SLC37A1: variants seen among roughly 807,000 people sequenced by gnomAD.
The protein encoded by SLC37A1 is solute carrier family 37 member 1, also known as glucose-6-phosphate exchanger SLC37A1.
SLC37A1 carries 49 observed loss-of-function variants against 75.3 expected under a neutral mutation model. That is an observed-to-expected ratio of 0.65 (90% CI 0.52 to 0.83). The LOEUF (loss-of-function observed/expected upper bound fraction) is 0.83. SLC37A1 is among the 40% of genes least tolerant of loss of function. The pLI is 0.00. For synonymous variants in SLC37A1, 268 were observed against 292.1 expected, an observed-to-expected ratio of 0.92 and a Z score of 0.84; for missense variants, 566 against 695.0, an observed-to-expected ratio of 0.81 and a Z score of 2.09.
chr21:42,538,107 G>A (rs2055186799), intron 5 of SLC37A1, among the ~76,000 whole-genome samples: 1 of 152,210 alleles, frequency 6.6e-6, no homozygotes, highest in Non-Finnish European at 1.5e-5. Flanking sequence ...CAAGATTAGA[G>A]AATACTTCTA....
intron 10 of SLC37A1, among the ~76,000 whole-genome samples, chr21:42,557,314 G>A (rs150212052): frequency 1.1e-3 from 163 of 152,374 alleles, no homozygotes; most frequent in African/African-American, 3.6e-3. Flanking sequence ...GGGGGAATTC[G>A]AGGCTTCTCA....
At position 42,581,254 on chromosome 21, in the gene SLC37A1, C is replaced by G. The variant is rs534137832; in HGVS notation, c.*894C>G. On this transcript the variant is annotated 3_prime_UTR_variant, in exon 20 of 20. Transcript: ENST00000352133. ...TGGGACTGTTTTTAATACATAGCAA[C>G]AGACTGGGTTATTTATTTAAGATGT... The G allele has an allele frequency of 2.0e-5, 3 of 152,668 alleles. No homozygotes were observed. Among genetic ancestry groups the G allele is most frequent in the African/African-American group, 7.2e-5 (3 of 41,482 alleles). The allele number at this position is 152,668 out of a possible 1,614,324, so 9.5% of individuals were successfully genotyped here.
At chr21:42,578,088 T>C (rs2056344601) in intron 18 of SLC37A1, among the ~76,000 whole-genome samples, 2 of 152,254 alleles carry the variant, frequency 1.3e-5, no homozygotes, top group Admixed American at 6.5e-5. Flanking sequence ...TTCACCAAAA[T>C]AGACAAGTGT....
chr21:42,567,127 C>T lies in SLC37A1; in HGVS notation c.1344+69C>T, dbSNP rs118065070. The T allele has an allele frequency of 6.9e-3, 10,636 of 1,535,804 alleles. 66 individuals carry two copies. Among genetic ancestry groups the T allele is most frequent in the Non-Finnish European group, 8.5e-3 (9,542 of 1,125,320 alleles). On this transcript the variant is annotated intron_variant, in intron 16 of 19. Coordinates refer to ENST00000352133, the MANE Select transcript of SLC37A1 (RefSeq NM_001320537.2). The stretch of plus-strand genomic sequence containing the variant: ...CATGTGCCATTCATGACAAAAGTGG[C>T]CTCCATTACTGTTAGTAAAACTGCA...
chr21:42,554,207 G>A (rs75870471), intron 10 of SLC37A1, 65 bp downstream of exon 10: 136,985 of 1,434,534 alleles, frequency 0.095, 8,528 homozygotes, highest in African/African-American at 0.28. Flanking sequence ...TTTGAGCCAC[G>A]TCGGCTCTCT....
chr21:42,566,401 C>A (rs1380184694), intron 15 of SLC37A1, among the ~76,000 whole-genome samples: 1 of 152,248 alleles, frequency 6.6e-6, no homozygotes, highest in Non-Finnish European at 1.5e-5. Context: ...GGAGCGGTTG[C>A]GTAACCTTGG....
intron 5 of SLC37A1, among the ~76,000 whole-genome samples, chr21:42,539,156 T>C (rs543106121): frequency 5.9e-5 from 9 of 152,364 alleles, no homozygotes; most frequent in Admixed American, 5.9e-4. Context: ...TTTAAGACAC[T>C]ATATACATTT....
chr21:42,529,930 C>T (rs1279470914), intron 3 of SLC37A1, among the ~76,000 whole-genome samples: 1 of 152,120 alleles, frequency 6.6e-6, no homozygotes, highest in Admixed American at 6.5e-5. Flanking sequence ...AAAAACACTA[C>T]AGCCTTCAGA....
chr21:42,576,066 T>G (rs944251772), intron 18 of SLC37A1: 1 of 602,876 alleles, frequency 1.7e-6, no homozygotes, highest in African/African-American at 2.0e-5. Context: ...GAGCCAGAAT[T>G]GTAAAGGCAA....
intron 9 of SLC37A1, among the ~76,000 whole-genome samples, chr21:42,550,957 C>T (rs953190673): frequency 1.3e-5 from 2 of 152,218 alleles, no homozygotes; most frequent in Admixed American, 6.5e-5. Flanking sequence ...AAACCCACAC[C>T]TCACAGTGTG....
At chr21:42,536,372 T>C (rs1236160094) in intron 5 of SLC37A1, among the ~76,000 whole-genome samples, 1 of 152,250 alleles carries the variant, frequency 6.6e-6, no homozygotes, top group African/African-American at 2.4e-5. Context: ...CAGCCCATTC[T>C]TGATCCCACT....
At chr21:42,516,121 G>A (rs974329000) in intron 1 of SLC37A1, among the ~76,000 whole-genome samples, 1 of 152,220 alleles carries the variant, frequency 6.6e-6, no homozygotes, top group African/African-American at 2.4e-5. Flanking sequence ...TCCCTGGAAT[G>A]GTAAGTTCCA....
chr21:42,559,197 C>A, intron 11 of SLC37A1, 108 bp downstream of exon 11: 1 of 1,404,790 alleles, frequency 7.1e-7, no homozygotes, highest in Non-Finnish European at 9.5e-7. Flanking sequence ...GTTGTAGAAC[C>A]CGGGGATTCG....
chr21:42,552,851 C>G lies in SLC37A1; in HGVS notation c.769-1211C>G, dbSNP rs1047047125. On this transcript the variant is annotated intron_variant, in intron 9 of 19. Coordinates refer to ENST00000352133, the MANE Select transcript of SLC37A1 (RefSeq NM_001320537.2). The surrounding 1 kb of genome is among the most constrained non-coding windows in gnomAD (Gnocchi z 4.2). The stretch of plus-strand genomic sequence containing the variant: ...TCTGCTCACTGCGGGGGACGGGGGG[C>G]CGAGTGCTGGGGAGCAGGAACCCAT... Among the ~76,000 whole-genome samples the G allele has an allele frequency of 2.0e-5, 3 of 152,176 alleles. No individual in the cohort carries two copies. The highest frequency in any genetic ancestry group is 7.2e-5 in the African/African-American group (3 of 41,438).
At chr21:42,568,249 C>T in intron 16 of SLC37A1, 111 bp from the exon 17 acceptor site, 1 of 815,354 alleles carries the variant, frequency 1.2e-6, no homozygotes, top group African/African-American at 1.7e-5. Flanking sequence ...TGGGAAACAC[C>T]CTCACGATGA....
At position 42,572,295 on chromosome 21, in the gene SLC37A1, G is replaced by A. The variant is rs79970830; in HGVS notation, c.1424-2523G>A. 1.1e-3 allele frequency among the ~76,000 whole-genome samples: 160 copies of A among 152,142 alleles called. 1 individual carries two copies. In the East Asian group the frequency reaches 0.027, roughly 26 times the overall value. On this transcript the variant is annotated intron_variant, in intron 17 of 19. Transcript: ENST00000352133. ...AGCCTTTCTTCATCCACCGTCCTGG[G>A]GCACCTGGTGGCACCTTCAGTCTGG...
intron 19 of SLC37A1, among the ~76,000 whole-genome samples, 194 bp downstream of exon 19, chr21:42,579,994 C>T (rs1227671801): frequency 6.6e-6 from 1 of 152,190 alleles, no homozygotes; most frequent in African/African-American, 2.4e-5. Context: ...AATCTCTCCT[C>T]AAACCCTGAG....
At chr21:42,503,074 C>T (rs1439381810) in intron 2 of SLC37A1, 1 of 151,968 alleles carries the variant, frequency 6.6e-6, no homozygotes, top group Non-Finnish European at 1.5e-5. Flanking sequence ...TATCACATGT[C>T]ATTATATGGT....
chr21:42,501,313 C>T (rs2054339202), intron 1 of SLC37A1, among the ~76,000 whole-genome samples: 1 of 152,178 alleles, frequency 6.6e-6, no homozygotes, highest in Non-Finnish European at 1.5e-5. Flanking sequence ...TGCTTAACTA[C>T]GTCTGAGTGT....
Sources: gnomAD v4.1 joint callset for allele counts (sites outside exome capture counted in the v4.1 genomes callset) on GRCh38, gnomAD v4.1.1 for gene constraint, Gnocchi (gnomAD v3.1) non-coding constraint, MANE v1.5 for transcripts, NCBI Gene and HGNC (gene_info 2026-07-23, HGNC 2026-07-21) for gene names.